The following PRAG1 variants were observed in gnomAD, a reference collection of about 807,000 sequenced individuals.
PRAG1 encodes PEAK1 related, kinase-activating pseudokinase 1, also known as inactive tyrosine-protein kinase PRAG1.
Under a neutral mutation model 95.6 loss-of-function variants are expected in PRAG1, and 110 were observed. The observed-to-expected ratio is 1.15, with a 90% CI of 0.99 to 1.35. The LOEUF is 1.35. Among genes scored for constraint, PRAG1 ranks in the 40% most tolerant of loss-of-function variants. The pLI is 0.00. For missense variants in PRAG1, 2,554 were observed against 1,864.7 expected, an observed-to-expected ratio of 1.37 and a Z score of -6.81; for synonymous variants, 1,052 against 819.4, an observed-to-expected ratio of 1.28 and a Z score of -4.85.
At chr8:8,385,430 C>A (rs1049143161) in intron 1 of PRAG1, among the ~76,000 whole-genome samples, 4 of 152,164 alleles carry the variant, frequency 2.6e-5, no homozygotes, top group Non-Finnish European at 5.9e-5. Context: ...TCGAAACCAA[C>A]CAGACCTCAG....
At chr8:8,332,871 G>C (rs943277735) in intron 4 of PRAG1, among the ~76,000 whole-genome samples, 1 of 150,414 alleles carries the variant, frequency 6.6e-6, no homozygotes, top group African/African-American at 2.5e-5. Context: ...CATGGCCTTA[G>C]GCAACACAGC....
intron 3 of PRAG1, among the ~76,000 whole-genome samples, chr8:8,341,390 T>C (rs1226481042): frequency 6.6e-6 from 1 of 152,050 alleles, no homozygotes; most frequent in Admixed American, 6.6e-5. Context: ...GAAAGAACAA[T>C]TCTCAGGTGC....
intron 3 of PRAG1, 94 bp downstream of exon 3, chr8:8,376,153 G>C: frequency 3.3e-6 from 5 of 1,497,268 alleles, no homozygotes; most frequent in Non-Finnish European, 4.5e-6. Flanking sequence ...CAGATTCTGG[G>C]ACCTGGGCCT....
chr8:8,371,361 C>T (rs956318983), intron 3 of PRAG1, among the ~76,000 whole-genome samples: 6 of 151,604 alleles, frequency 4.0e-5, no homozygotes, highest in African/African-American at 1.5e-4. Context: ...CCCGGGTTCA[C>T]GTCATTCTCC....
chr8:8,352,371 C>G (rs1322365679), intron 3 of PRAG1, among the ~76,000 whole-genome samples: 1 of 152,238 alleles, frequency 6.6e-6, no homozygotes, highest in Non-Finnish European at 1.5e-5. Flanking sequence ...ATCCTCATTC[C>G]TGTACCAGGC....
chr8:8,376,975 C>A lies in PRAG1; in HGVS notation c.1434G>T (p.Ala478=), dbSNP rs55800591. Residue 478 remains alanine, a synonymous_variant, in exon 3 of 6, where the codon GCG becomes GCT. Transcript: ENST00000615670. ...TCCGATGGTCCTCTTCCGGGTGGGC[C>A]GCCATGACTGTGATGGTGGCTGACA... ...PQVSATITVM[A]AHPEEDHRTI... The A allele has an allele frequency of 1.2e-6, 2 of 1,613,424 alleles. No homozygotes were observed. Among genetic ancestry groups the A allele is most frequent in the Non-Finnish European group, 1.7e-6 (2 of 1,179,928 alleles).
At chr8:8,330,802 C>A (rs1031566378) in intron 4 of PRAG1, among the ~76,000 whole-genome samples, 1 of 152,106 alleles carries the variant, frequency 6.6e-6, no homozygotes, top group Non-Finnish European at 1.5e-5. Context: ...TGATTCACTT[C>A]CTCTCCCTCC....
At chr8:8,351,185 G>T (rs1799509077) in intron 3 of PRAG1, among the ~76,000 whole-genome samples, 1 of 152,130 alleles carries the variant, frequency 6.6e-6, no homozygotes, top group South Asian at 2.1e-4. Flanking sequence ...TAAAAACATG[G>T]CAGAAGGCAA....
chr8:8,360,496 C>T (rs1277880190), intron 3 of PRAG1, among the ~76,000 whole-genome samples: 7 of 152,184 alleles, frequency 4.6e-5, no homozygotes, highest in Non-Finnish European at 1.0e-4. Context: ...CTGGTGAATT[C>T]TGCCAAAAGA....
chr8:8,379,356 C>T (rs1325162387), intron 2 of PRAG1, among the ~76,000 whole-genome samples: 1 of 152,200 alleles, frequency 6.6e-6, no homozygotes, highest in Non-Finnish European at 1.5e-5. Context: ...GGTCTAAAGT[C>T]CTCCTTTACC....
At position 8,318,372 on chromosome 8, in the gene PRAG1, C is replaced by A. The variant is rs1323296496; in HGVS notation, c.4003G>T (p.Glu1335Ter). ...GAGGTGCCCGGCTGCTGCACCAGCT[C>A]GCGCCGAGGCCCCCACAGCAGGCAC... Reference protein sequence around the residue: ...LQCLLWGPRRELVQQPGTSEE... With the variant: ...LQCLLWGPRR The change falls in exon 6 of 6, where the codon GAG becomes TAG. Residue 1335 changes from glutamate (E) to a stop codon, truncating the protein, a stop_gained. Coordinates refer to ENST00000615670, the MANE Select transcript of PRAG1 (RefSeq NM_001080826.3). LOFTEE classifies it high-confidence loss of function. This position sits in a 1 kb window ranked among gnomAD's most constrained non-coding sequence, Gnocchi z 4.2. The A allele has an allele frequency of 6.2e-7, 1 of 1,613,502 alleles. No individual in the cohort carries two copies. The highest frequency in any genetic ancestry group is 8.5e-7 in the Non-Finnish European group (1 of 1,179,682).
intron 5 of PRAG1, among the ~76,000 whole-genome samples, chr8:8,324,244 T>C (rs530600562): frequency 6.6e-6 from 1 of 152,276 alleles, no homozygotes; most frequent in South Asian, 2.1e-4. Flanking sequence ...CCAAGGCTCC[T>C]TTTTCTCAGG....
intron 3 of PRAG1, among the ~76,000 whole-genome samples, chr8:8,343,480 AAACAG>A (rs1406398538): frequency 1.3e-5 from 2 of 152,024 alleles, no homozygotes; most frequent in Non-Finnish European, 2.9e-5. Flanking sequence ...TATTTTAACA[AAACAG>A]AACAGAACAG....
rs1798331640 is a variant in PRAG1 at position 8,318,048 on chromosome 8, T to C, written c.*106A>G. On this transcript the variant is annotated 3_prime_UTR_variant, in exon 6 of 6. Transcript: ENST00000615670. This position sits in a 1 kb window ranked among gnomAD's most constrained non-coding sequence, Gnocchi z 4.2. ...TATTTATATATTTTACATCCAGGTA[T>C]CCCAGTCATCTGTACCATTTCCCAG... The C allele has an allele frequency of 1.0e-6, 1 of 979,082 alleles. No individual in the cohort carries two copies. Among genetic ancestry groups the C allele is most frequent in the East Asian group, 2.7e-5 (1 of 37,084 alleles). The allele number at this position is 979,082 out of a possible 1,614,324, so 60.6% of individuals were successfully genotyped here.
At chr8:8,372,977 T>C (rs1343040135) in intron 3 of PRAG1, among the ~76,000 whole-genome samples, 2 of 152,230 alleles carry the variant, frequency 1.3e-5, no homozygotes, top group Admixed American at 6.5e-5. Flanking sequence ...GGTGTGAGCG[T>C]AGGTAACGCA....
chr8:8,318,660 G>C lies in PRAG1; in HGVS notation c.3715C>G (p.Leu1239Val). ...NLQQKKSQAR[L>V]APEIVSASQY... Reference sequence around the variant, plus strand: ...GAAGCAGACACGATCTCGGGGGCCAGCCGGGCCTGGCTCTTCTTCTGCTGC... The same window carrying C: ...GAAGCAGACACGATCTCGGGGGCCACCCGGGCCTGGCTCTTCTTCTGCTGC... The change falls in exon 6 of 6, where the codon CTG (leucine) becomes GTG (valine). Residue 1239 changes from leucine (L) to valine (V), a missense_variant. Transcript: ENST00000615670. This position sits in a 1 kb window ranked among gnomAD's most constrained non-coding sequence, Gnocchi z 4.2. The C allele has an allele frequency of 1.9e-6, 3 of 1,611,808 alleles. No homozygotes were observed. Among genetic ancestry groups the C allele is most frequent in the Non-Finnish European group, 2.5e-6 (3 of 1,179,914 alleles).
rs185753982 is a variant in PRAG1, at chr8:8,364,096, C to A, written c.2162+12151G>T. On this transcript the variant is annotated intron_variant, in intron 3 of 5. Coordinates refer to ENST00000615670, the MANE Select transcript of PRAG1 (RefSeq NM_001080826.3). Reference sequence around the variant, plus strand: ...TTACTGACCTGTGTGAATATATACTCAGGAATGAAGGTTGTGGGGACAAGA... The same window carrying A: ...TTACTGACCTGTGTGAATATATACTAAGGAATGAAGGTTGTGGGGACAAGA... Among the ~76,000 whole-genome samples the A allele has an allele frequency of 6.9e-4, 105 of 152,284 alleles. 2 individuals are homozygous for A. The highest frequency in any genetic ancestry group is 5.6e-3 in the Admixed American group (85 of 15,298).
intron 4 of PRAG1, among the ~76,000 whole-genome samples, chr8:8,338,036 C>T (rs890412526): frequency 6.6e-6 from 1 of 152,136 alleles, no homozygotes; most frequent in Non-Finnish European, 1.5e-5. Flanking sequence ...TCACCCCCTA[C>T]CTCCCCAGTT....
intron 3 of PRAG1, among the ~76,000 whole-genome samples, chr8:8,354,617 G>A (rs1799629696): frequency 6.6e-6 from 1 of 152,126 alleles, no homozygotes; most frequent in African/African-American, 2.4e-5. Context: ...ATGCAAGGCT[G>A]GTTTGGCATA....
Sources: allele counts gnomAD v4.1 joint callset (sites outside exome capture counted in the v4.1 genomes callset), GRCh38; gene constraint gnomAD v4.1.1; non-coding constraint Gnocchi (gnomAD v3.1); transcripts MANE v1.5; gene names NCBI Gene and HGNC (gene_info 2026-07-23, HGNC 2026-07-21).